The following HEPH variants were observed in gnomAD, a reference collection of about 807,000 sequenced individuals.
The protein encoded by HEPH is hephaestin.
HEPH carries 69 observed loss-of-function variants against 80.8 expected under a neutral mutation model. The ratio of observed to expected loss-of-function variants is 0.85; its 90% CI spans 0.70 to 1.04. The LOEUF (loss-of-function observed/expected upper bound fraction) is 1.04. Ranked by LOEUF, HEPH falls within the 50% of genes least tolerant of loss-of-function variation. The probability of loss-of-function intolerance (pLI) is 0.00; values close to 1 mark genes in which losing one functional copy is unlikely to be tolerated. For missense variants in HEPH, 1,115 were observed against 891.3 expected (o/e 1.25, Z -3.20); for synonymous variants, 431 against 322.8 (o/e 1.34, Z -3.60).
intron 12 of HEPH, among the ~76,000 whole-genome samples, chrX:66,201,704 C>T (rs781577899): frequency 2.1e-3 from 233 of 111,806 alleles, no homozygotes; most frequent in Non-Finnish European, 2.6e-3. Context: ...GTGTCTTCAA[C>T]GCTTTAATAA....
chrX:66,268,195 A>T (rs750832742), downstream of HEPH: 10 of 112,101 alleles, frequency 8.9e-5, no homozygotes, highest in Non-Finnish European at 1.7e-4. Context: ...TATATCATGG[A>T]AACATCCACT....
chrX:66,233,618 AT>A (rs772133375), intron 15 of HEPH, among the ~76,000 whole-genome samples: 77 of 111,164 alleles, frequency 6.9e-4, no homozygotes, highest in African/African-American at 2.4e-3. Context: ...ACATAAAAAA[AT>A]TTAAGTAACT....
chrX:66,203,967 A>T (rs2088622060), intron 13 of HEPH, among the ~76,000 whole-genome samples: 1 of 112,570 alleles, frequency 8.9e-6, no homozygotes, highest in African/African-American at 3.2e-5. Context: ...TGTCTAAAAC[A>T]GAGTGATTTA....
chrX:66,226,496 G>T (rs2089897416), intron 15 of HEPH, among the ~76,000 whole-genome samples: 1 of 111,780 alleles, frequency 8.9e-6, no homozygotes, highest in African/African-American at 3.3e-5. Context: ...AAAGATAAAT[G>T]AAATAAAAAA....
intron 15 of HEPH, among the ~76,000 whole-genome samples, chrX:66,231,630 A>G (rs1185852899): frequency 3.7e-4 from 41 of 109,691 alleles, no homozygotes; most frequent in Middle Eastern, 4.6e-3. Context: ...TTGATTTTGT[A>G]TCCTGAGACT....
At position 66,203,707 on chromosome X, in the gene HEPH, G is replaced by A. The variant is rs1047044599; in HGVS notation, c.2291+130G>A. On this transcript the variant is annotated intron_variant, in intron 13 of 20. Coordinates refer to ENST00000343002, the MANE Select transcript of HEPH (RefSeq NM_001367233.3). ...TGATACCAACAGATTTGGGAGATGG[G>A]GCTATAATGCAGCTCTTATGAATTC... 1.3e-5 allele frequency: 7 copies of A among 524,985 alleles called. No individual in the cohort carries two copies. In the African/African-American group the frequency reaches 1.7e-4, roughly 12 times the overall value. 43.3% of individuals were successfully genotyped at this position (524,985 alleles called of 1,213,427 possible). A position where few individuals can be genotyped will look rare whatever the true frequency, so the allele number is the denominator to read the frequency against.
chrX:66,224,537 A>T (rs751566269), intron 15 of HEPH, among the ~76,000 whole-genome samples: 1 of 112,450 alleles, frequency 8.9e-6, no homozygotes, highest in East Asian at 2.8e-4. Flanking sequence ...AGGTGTGCTC[A>T]CAATGAGGTT....
In HEPH at chrX:66,172,357, T is replaced by C. The variant is rs1569283236; in HGVS notation, c.170T>C (p.Val57Ala). 8.4e-7 allele frequency: 1 copy of C among 1,184,527 alleles called. No individual in the cohort carries two copies. Among genetic ancestry groups the C allele is most frequent in the Non-Finnish European group, 1.1e-6 (1 of 881,958 alleles). ...ITNQPLDSDIVASSFLKSDKN... is the reference protein window; with the variant it reads ...ITNQPLDSDIAASSFLKSDKN... ...TGACTCTTTTTCTTCTTTCCCAGAGTGGCTTCCAGCTTCTTAAAGTCTGAC... is the reference window on the plus strand; with the variant it reads ...TGACTCTTTTTCTTCTTTCCCAGAGCGGCTTCCAGCTTCTTAAAGTCTGAC... The change falls in exon 3 of 21, where the codon GTG becomes GCG. Residue 57 changes from valine (V) to alanine (A), a missense_variant and splice_region_variant. Physicochemically the swap from Val to Ala is moderately conservative, Grantham distance 64 (BLOSUM62 0). This residue lies in a region of HEPH where 391 missense variants were observed against 343.6 expected (regional missense o/e 1.14). Transcript: ENST00000343002.
chrX:66,235,856 G>C (rs2090340486), intron 15 of HEPH, among the ~76,000 whole-genome samples: 1 of 111,307 alleles, frequency 9.0e-6, no homozygotes, highest in Non-Finnish European at 1.9e-5. Flanking sequence ...TATAATCTCT[G>C]ATTTCTTTGG....
intron 15 of HEPH, among the ~76,000 whole-genome samples, chrX:66,235,468 C>T (rs930528653): frequency 3.0e-5 from 3 of 100,085 alleles, no homozygotes; most frequent in Non-Finnish European, 6.0e-5. Context: ...GTTTGTTTCC[C>T]CACTGCCTGT....
intron 15 of HEPH, among the ~76,000 whole-genome samples, chrX:66,249,867 C>A (rs1403771910): frequency 9.0e-6 from 1 of 111,341 alleles, no homozygotes; most frequent in Non-Finnish European, 1.9e-5. Flanking sequence ...CTTTGAGGAC[C>A]ACTGATTTAC....
chrX:66,174,868 AT>A (rs1160792920), intron 4 of HEPH, among the ~76,000 whole-genome samples: 1 of 110,476 alleles, frequency 9.1e-6, no homozygotes, highest in Non-Finnish European at 1.9e-5. Context: ...GGGATTGTTT[AT>A]TTTTTTATTG....
rs750565495 is a variant in HEPH at position 66,213,695 on chromosome X, T to C, written c.2563+5449T>C. On this transcript the variant is annotated intron_variant, in intron 15 of 20. Coordinates refer to ENST00000343002, the MANE Select transcript of HEPH (RefSeq NM_001367233.3). ...GAGCCAAAACATTAAAAAAAAATAC[T>C]GATGAAATCACACTAGTGTAACCCA... is the stretch of plus-strand genomic sequence containing the variant. 6.3e-5 allele frequency among the ~76,000 whole-genome samples: 7 copies of C among 110,718 alleles called. No homozygotes were observed. The Admixed American group carries it at 6.7e-4, about 11-fold the overall frequency.
At chrX:66,244,297 G>T (rs947523042) in intron 15 of HEPH, among the ~76,000 whole-genome samples, 1 of 111,307 alleles carries the variant, frequency 9.0e-6, no homozygotes, top group Non-Finnish European at 1.9e-5. Flanking sequence ...TCTTTTTCAG[G>T]GTTGTCAATG....
At chrX:66,197,170 C>T (rs5965110) in intron 9 of HEPH, among the ~76,000 whole-genome samples, 39,421 of 108,546 alleles carry the variant, frequency 0.36, 7,806 homozygotes, top group African/African-American at 0.76. Context: ...GAAATTACAG[C>T]CTTAGTGTTT....
rs1307704989 is a variant in HEPH, at chrX:66,164,452, G to A, written c.-32G>A. 3 of 753,887 alleles carry A rather than the reference G, an allele frequency of 4.0e-6. No homozygotes were observed. Among genetic ancestry groups the A allele is most frequent in the South Asian group, 6.7e-5 (1 of 14,837 alleles). 62.1% of individuals were successfully genotyped at this position (753,887 alleles called of 1,213,427 possible). A position where few individuals can be genotyped will look rare whatever the true frequency, so the allele number is the denominator to read the frequency against. On this transcript the variant is annotated 5_prime_UTR_variant, in exon 1 of 21. Transcript: ENST00000343002. ...AATGGGCCGCTGACATGAATATGGA[G>A]TAGTTTTCTCTAGCAAAGGTAAGCT...
chrX:66,188,673 G>A (rs2087622568), intron 5 of HEPH, 132 bp downstream of exon 5: 2 of 483,147 alleles, frequency 4.1e-6, no homozygotes, highest in Non-Finnish European at 6.7e-6. Flanking sequence ...AGTAGTAGAT[G>A]GCTCTTCCCT....
chrX:66,192,407 G>T lies in HEPH; in HGVS notation c.1232+109G>T, dbSNP rs1380449624. ...ACTTTACTCAGGGATCCAAATCATT[G>T]TCTGGCTGGGGTTACATGAACCAAC... is the stretch of plus-strand genomic sequence containing the variant. On this transcript the variant is annotated intron_variant, in intron 7 of 20. Coordinates refer to ENST00000343002, the MANE Select transcript of HEPH (RefSeq NM_001367233.3). 6 of 868,654 alleles carry T rather than the reference G, an allele frequency of 6.9e-6. No homozygotes were observed. The African/African-American group carries it at 8.1e-5, about 12-fold the overall frequency. The allele number at this position is 868,654 out of a possible 1,213,427, so 71.6% of individuals were successfully genotyped here.
chrX:66,197,898 T>C lies in HEPH; in HGVS notation c.1713+4T>C. ...CTTGGGTGCAGATGGCAAGCAGGTA[T>C]TGTCAGGGTTATCTGGCTGGAAAGC... On this transcript the variant is annotated splice_donor_region_variant and intron_variant, in intron 10 of 20. Transcript: ENST00000343002. The C allele has an allele frequency of 8.4e-7, 1 of 1,185,133 alleles. No individual in the cohort carries two copies. Among genetic ancestry groups the C allele is most frequent in the East Asian group, 3.1e-5 (1 of 32,781 alleles).
Sources: gnomAD v4.1 joint callset for allele counts (sites outside exome capture counted in the v4.1 genomes callset) on GRCh38, gnomAD v4.1.1 for gene constraint, gnomAD v4.1.1 regional missense constraint, MANE v1.5 for transcripts, NCBI Gene and HGNC (gene_info 2026-07-23, HGNC 2026-07-21) for gene names.